Variants in DPP10 observed in about 807,000 individuals in gnomAD.
The protein encoded by DPP10 is inactive dipeptidyl peptidase 10.
In DPP10, 33 loss-of-function variants were observed where a neutral mutation model predicts 120.9. That is an observed-to-expected ratio of 0.27 (90% confidence interval 0.21 to 0.37). The LOEUF (loss-of-function observed/expected upper bound fraction) is 0.37, where lower values mean the gene tolerates loss of function less well. Ranked by LOEUF, DPP10 falls within the 10% of genes least tolerant of loss-of-function variation. The pLI is 1.00. For synonymous variants in DPP10, 337 were observed against 326.1 expected (o/e 1.03, Z -0.36); for missense variants, 816 against 942.8 (o/e 0.87, Z 1.76).
Position 115,842,227 on chromosome 2 carries a change from G to T in DPP10, c.2273G>T (p.Gly758Val), listed in dbSNP as rs1357688030. Residue 758 changes from glycine to valine, a missense_variant, in exon 26 of 26, where the codon GGT becomes GTT. Around this residue, in one of 3 missense-constraint regions of DPP10, gnomAD observed 592 missense variants for 649.0 expected, o/e 0.91. Coordinates refer to ENST00000410059, the MANE Select transcript of DPP10 (RefSeq NM_020868.6). ...ATATCTTAGGTCTACCCAGATGAAG[G>T]TCATAACGTATCTGAGAAGAGCAAG... is the stretch of plus-strand genomic sequence containing the variant. ...NYTMQVYPDE[G>V]HNVSEKSKYH... The T allele has an allele frequency of 6.2e-7, 1 of 1,612,694 alleles. No homozygotes were observed. The highest frequency in any genetic ancestry group is 8.5e-7 in the Non-Finnish European group (1 of 1,179,046).
intron 5 of DPP10, among the ~76,000 whole-genome samples, chr2:115,601,561 C>T (rs1452861503): frequency 6.6e-6 from 1 of 152,130 alleles, no homozygotes; most frequent in East Asian, 1.9e-4. Context: ...AAATTCTACC[C>T]TATTAAAGAC....
intron 1 of DPP10, among the ~76,000 whole-genome samples, chr2:115,268,210 C>T (rs2059541496): frequency 6.6e-6 from 1 of 152,104 alleles, no homozygotes; most frequent in Admixed American, 6.5e-5. Flanking sequence ...CTTTATATGG[C>T]TCATCTCATT....
intron 1 of DPP10, among the ~76,000 whole-genome samples, chr2:114,538,680 A>C (rs896811590): frequency 2.0e-5 from 3 of 152,204 alleles, no homozygotes; most frequent in Admixed American, 6.5e-5. Context: ...AGAATCATTA[A>C]TATAACATAG....
At chr2:115,671,515 T>C (rs1427116145) in intron 5 of DPP10, among the ~76,000 whole-genome samples, 1 of 151,970 alleles carries the variant, frequency 6.6e-6, no homozygotes, top group Non-Finnish European at 1.5e-5. Context: ...ACTGGTAGCA[T>C]GGCTAGTGCT....
rs533532223 is a variant in DPP10 at position 114,698,770 on chromosome 2, C to A, written c.60+255932C>A. ...AGAGCAAGAGCAACTGCCTGCCTGG[C>A]TTCTTGCATTTTCACAGCTTGCATT... On this transcript the variant is annotated intron_variant, in intron 1 of 25. Coordinates refer to ENST00000410059, the MANE Select transcript of DPP10 (RefSeq NM_020868.6). Among the ~76,000 whole-genome samples, 7 of 152,224 alleles carry A rather than the reference C, an allele frequency of 4.6e-5. No homozygotes were observed. The South Asian group carries it at 1.2e-3, about 27-fold the overall frequency.
At chr2:114,838,812 C>G (rs1312181475) in intron 1 of DPP10, among the ~76,000 whole-genome samples, 1 of 152,070 alleles carries the variant, frequency 6.6e-6, no homozygotes, top group East Asian at 1.9e-4. Flanking sequence ...TGTAGACTGA[C>G]CCACACTTTT....
At chr2:114,851,800 G>A (rs916904698) in intron 1 of DPP10, among the ~76,000 whole-genome samples, 1 of 152,162 alleles carries the variant, frequency 6.6e-6, no homozygotes, top group Non-Finnish European at 1.5e-5. Flanking sequence ...ACGCATGTCT[G>A]TCTGTAACTA....
In DPP10 at chr2:115,037,587, G is replaced by A. The variant is rs72947826; in HGVS notation, c.61-271652G>A. Among the ~76,000 whole-genome samples, 232 of 152,226 alleles carry A rather than the reference G, an allele frequency of 1.5e-3. 2 individuals carry two copies. The highest frequency in any genetic ancestry group is 5.2e-3 in the African/African-American group (218 of 41,558). ...GTTCCTTAGAGCAACTACATGAGAC[G>A]TACCATGGGAATTTGTTAATAATGC... On this transcript the variant is annotated intron_variant, in intron 1 of 25. Transcript: ENST00000410059.
Position 115,805,789 on chromosome 2 carries a change from G to A in DPP10, c.1701-9004G>A, listed in dbSNP as rs12612299. Among the ~76,000 whole-genome samples the A allele has an allele frequency of 3.0e-4, 45 of 152,052 alleles. No individual in the cohort carries two copies. In the East Asian group the frequency reaches 8.2e-3, roughly 28 times the overall value. The stretch of plus-strand genomic sequence containing the variant: ...GGGCTTTTGCCACGTTGGCCTGACT[G>A]GTCTCAAACTCCTGACCTCAGGTGG... On this transcript the variant is annotated intron_variant, in intron 19 of 25. Coordinates refer to ENST00000410059, the MANE Select transcript of DPP10 (RefSeq NM_020868.6).
chr2:115,605,586 G>A (rs955863813), intron 5 of DPP10, among the ~76,000 whole-genome samples: 2 of 151,996 alleles, frequency 1.3e-5, no homozygotes, highest in Non-Finnish European at 2.9e-5. Context: ...GATAAGAGGG[G>A]TGGAAAGAAA....
At chr2:114,592,730 T>G (rs1208228747) in intron 1 of DPP10, among the ~76,000 whole-genome samples, 1 of 152,110 alleles carries the variant, frequency 6.6e-6, no homozygotes, top group African/African-American at 2.4e-5. Context: ...TACATTGAAA[T>G]TAAAACAACA....
At chr2:115,259,484 CAAAA>C (rs563035188) in intron 1 of DPP10, among the ~76,000 whole-genome samples, 1 of 107,582 alleles carries the variant, frequency 9.3e-6, no homozygotes. Flanking sequence ...AACTTCATCT[CAAAA>C]AAAAAAAAAA....
intron 3 of DPP10, among the ~76,000 whole-genome samples, chr2:115,432,660 T>TGTGTGTGC (rs1491265175): frequency 9.3e-4 from 20 of 21,416 alleles, no homozygotes; most frequent in African/African-American, 5.6e-3. Flanking sequence ...TAGGCAATTT[T>TGTGTGTGC]GTGTGTGTGT....
At chr2:114,889,796 G>T (rs940995100) in intron 1 of DPP10, among the ~76,000 whole-genome samples, 2 of 152,128 alleles carry the variant, frequency 1.3e-5, no homozygotes, top group African/African-American at 4.8e-5. Context: ...TGATTGTCAC[G>T]ATTCAATCCC....
chr2:115,222,508 T>C (rs1198877348), intron 1 of DPP10, among the ~76,000 whole-genome samples: 5 of 152,102 alleles, frequency 3.3e-5, no homozygotes, highest in African/African-American at 1.2e-4. Flanking sequence ...TCTTCTCTTG[T>C]CTGCTGCCAT....
intron 1 of DPP10, among the ~76,000 whole-genome samples, chr2:115,071,915 T>C (rs1244417687): frequency 2.0e-5 from 3 of 152,132 alleles, no homozygotes; most frequent in South Asian, 4.1e-4. Context: ...TTCTTGGCAA[T>C]GACACTGAGG....
chr2:115,782,330 T>C (rs773091434), intron 16 of DPP10, 22 bp from the exon 17 acceptor site: 2 of 1,598,352 alleles, frequency 1.3e-6, no homozygotes, highest in Non-Finnish European at 1.7e-6. Flanking sequence ...AAAATATTTA[T>C]ACACATATTT....
chr2:114,962,268 T>G (rs562652438), intron 1 of DPP10, among the ~76,000 whole-genome samples: 1 of 152,300 alleles, frequency 6.6e-6, no homozygotes, highest in Non-Finnish European at 1.5e-5. Flanking sequence ...TTTTTTTACA[T>G]TTGTTTCCTT....
At chr2:115,186,799 A>T (rs931013513) in intron 1 of DPP10, among the ~76,000 whole-genome samples, 10 of 152,162 alleles carry the variant, frequency 6.6e-5, no homozygotes, top group Non-Finnish European at 1.0e-4. Context: ...GCTTTACCCT[A>T]GAAGATGGGG....
Sources: gnomAD v4.1 joint callset for allele counts (sites outside exome capture counted in the v4.1 genomes callset) on GRCh38, gnomAD v4.1.1 for gene constraint, gnomAD v4.1.1 regional missense constraint, MANE v1.5 for transcripts, NCBI Gene and HGNC (gene_info 2026-07-23, HGNC 2026-07-21) for gene names.